Variants in HIGD1C observed in about 807,000 individuals in gnomAD.
HIGD1C encodes the protein HIG1 domain family member 1C.
HIGD1C carries 11 observed loss-of-function variants against 13.1 expected under a neutral mutation model. That is an observed-to-expected ratio of 0.84 (90% CI 0.53 to 1.39). The LOEUF (loss-of-function observed/expected upper bound fraction) is 1.39. HIGD1C is among the 40% of genes most tolerant of loss of function. The pLI is 0.00. For synonymous variants in HIGD1C, 36 were observed against 37.7 expected (o/e 0.95, Z 0.17); for missense variants, 110 against 112.0 (o/e 0.98, Z 0.08).
upstream of HIGD1C, among the ~76,000 whole-genome samples, chr12:50,952,609 C>T (rs1458888772): frequency 1.3e-5 from 2 of 152,216 alleles, no homozygotes; most frequent in Non-Finnish European, 2.9e-5. Context: ...GTCTCACACA[C>T]AGGCGCAGGG....
At chr12:50,957,862 G>A (rs1207727887) in intron 1 of HIGD1C, among the ~76,000 whole-genome samples, 1 of 151,538 alleles carries the variant, frequency 6.6e-6, no homozygotes, top group Non-Finnish European at 1.5e-5. Flanking sequence ...TCCAGCCTTG[G>A]GCAACAGAGT....
chr12:50,965,094 T>C (rs566371682), intron 2 of HIGD1C, among the ~76,000 whole-genome samples: 3 of 152,100 alleles, frequency 2.0e-5, no homozygotes, highest in African/African-American at 7.2e-5. Flanking sequence ...GGTAATGCTT[T>C]TGTTTTATGT....
exon 2 of HIGD1C, chr12:50,961,020 C>T (rs12306808): frequency 0.17 from 279,652 of 1,610,138 alleles, 27,702 homozygotes; most frequent in East Asian, 0.5. Flanking sequence ...AGCTAAAGTA[C>T]AGAAGAGATC....
the HIGD1C span, among the ~76,000 whole-genome samples, chr12:50,940,580 C>T: frequency 4.6e-5 from 7 of 151,692 alleles, no homozygotes; most frequent in African/African-American, 9.7e-5. Flanking sequence ...AAAAATTAGC[C>T]GGGTCTAGTG....
chr12:50,946,849 G>A, the HIGD1C span, among the ~76,000 whole-genome samples: 30 of 152,148 alleles, frequency 2.0e-4, no homozygotes, highest in Non-Finnish European at 3.2e-4. Flanking sequence ...CATGGCACAC[G>A]TATACATATG....
chr12:50,958,588 A>C (rs928213093), intron 1 of HIGD1C, among the ~76,000 whole-genome samples: 2 of 151,860 alleles, frequency 1.3e-5, no homozygotes, highest in African/African-American at 4.8e-5. Context: ...GCCTAAAATA[A>C]TCTTTTTTAA....
chr12:50,960,185 C>A (rs1051356101), intron 1 of HIGD1C, among the ~76,000 whole-genome samples: 3 of 152,166 alleles, frequency 2.0e-5, no homozygotes, highest in African/African-American at 7.2e-5. Context: ...AGTTATGCTT[C>A]TTGTGCATAT....
upstream of HIGD1C, among the ~76,000 whole-genome samples, chr12:50,951,638 G>A (rs1434528560): frequency 6.6e-6 from 1 of 152,138 alleles, no homozygotes; most frequent in African/African-American, 2.4e-5. Context: ...ATCAAGGTCG[G>A]CTGGGCGCGG....
upstream of HIGD1C, among the ~76,000 whole-genome samples, chr12:50,948,960 CAT>C (rs1434405358): frequency 9.4e-6 from 1 of 106,204 alleles, no homozygotes; most frequent in Non-Finnish European, 1.8e-5. Flanking sequence ...GGAGACAACA[CAT>C]ATGCACGAGG....
At chr12:50,958,206 G>C (rs896712644) in intron 1 of HIGD1C, among the ~76,000 whole-genome samples, 6 of 151,918 alleles carry the variant, frequency 3.9e-5, no homozygotes, top group Admixed American at 3.3e-4. Flanking sequence ...ACCCCAGCAA[G>C]GTTTTTGGTA....
chr12:50,963,354 G>C (rs1175659182), intron 2 of HIGD1C, among the ~76,000 whole-genome samples: 1 of 130,314 alleles, frequency 7.7e-6, no homozygotes, highest in Non-Finnish European at 1.6e-5. Flanking sequence ...TGGGTGAAAG[G>C]GCAAGACTCC....
upstream of HIGD1C, among the ~76,000 whole-genome samples, chr12:50,950,988 G>T (rs1333949122): frequency 3.3e-5 from 5 of 150,768 alleles, no homozygotes; most frequent in African/African-American, 1.2e-4. Flanking sequence ...CCGGCCATAA[G>T]TTTTTTTTTA....
At chr12:50,943,539 T>C in the HIGD1C span, among the ~76,000 whole-genome samples, 1 of 151,970 alleles carries the variant, frequency 6.6e-6, no homozygotes, top group Non-Finnish European at 1.5e-5. Flanking sequence ...TGAAACCCCA[T>C]CTCTACTAAA....
chr12:50,962,930 C>A (rs1417765037), intron 2 of HIGD1C, among the ~76,000 whole-genome samples: 1 of 152,098 alleles, frequency 6.6e-6, no homozygotes, highest in Non-Finnish European at 1.5e-5. Context: ...GTAGGCGAAT[C>A]AGTGTTTGAG....
upstream of HIGD1C, among the ~76,000 whole-genome samples, chr12:50,953,157 T>C (rs1275178129): frequency 6.6e-6 from 1 of 152,148 alleles, no homozygotes; most frequent in Non-Finnish European, 1.5e-5. Context: ...AGTTGGAAAT[T>C]GCACATCGTG....
At chr12:50,964,589 A>G (rs1291895113) in intron 2 of HIGD1C, among the ~76,000 whole-genome samples, 1 of 152,240 alleles carries the variant, frequency 6.6e-6, no homozygotes, top group Non-Finnish European at 1.5e-5. Context: ...ATACGGCTGG[A>G]GAGTTCACAC....
the HIGD1C span, among the ~76,000 whole-genome samples, chr12:50,939,730 C>A: frequency 6.6e-6 from 1 of 152,266 alleles, no homozygotes; most frequent in Non-Finnish European, 1.5e-5. Flanking sequence ...GAGATAAACA[C>A]AAAAGGTGCT....
At chr12:50,951,814 C>T (rs1223497513), upstream of HIGD1C, among the ~76,000 whole-genome samples, 1 of 150,512 alleles carries the variant, frequency 6.6e-6, no homozygotes, top group Non-Finnish European at 1.5e-5. Flanking sequence ...CCTAGCTACT[C>T]GGGAGGCTGA....
chr12:50,946,908 TA>T, the HIGD1C span, among the ~76,000 whole-genome samples: 13 of 152,090 alleles, frequency 8.5e-5, no homozygotes, highest in African/African-American at 3.1e-4. Flanking sequence ...TAAAGTATAA[TA>T]AAAAATAAAT....
Sources: gnomAD v4.1 joint callset for allele counts (sites outside exome capture counted in the v4.1 genomes callset) on GRCh38, gnomAD v4.1.1 for gene constraint, MANE v1.5 for transcripts, NCBI Gene and HGNC (gene_info 2026-07-23, HGNC 2026-07-21) for gene names.